Variants in EYS observed in about 807,000 individuals in gnomAD.
EYS encodes the protein EGF-like photoreceptor maintenance factor.
Under a neutral mutation model 282.1 loss-of-function variants are expected in EYS, and 250 were observed. That is an observed-to-expected ratio of 0.89 (90% CI 0.80 to 0.98). The LOEUF (loss-of-function observed/expected upper bound fraction) is 0.98, where lower values mean the gene tolerates loss of function less well. Among genes scored for constraint, EYS ranks in the 50% least tolerant of loss-of-function variants. EYS has a pLI of 0.00. For missense variants in EYS, 4,016 were observed against 3,709.0 expected (o/e 1.08, Z -2.15); for synonymous variants, 1,355 against 1,282.9 (o/e 1.06, Z -1.20).
chr6:64,988,758 G>T (rs984408718), intron 14 of EYS, among the ~76,000 whole-genome samples: 1 of 151,472 alleles, frequency 6.6e-6, no homozygotes, highest in African/African-American at 2.4e-5. Context: ...TTCATAATAG[G>T]TATTTTATTT....
At chr6:63,736,837 C>T (rs1411129283) in intron 41 of EYS, among the ~76,000 whole-genome samples, 2 of 150,752 alleles carry the variant, frequency 1.3e-5, no homozygotes, top group Non-Finnish European at 1.5e-5. Context: ...GTATTTTATT[C>T]TCTTTGAAGC....
intron 29 of EYS, among the ~76,000 whole-genome samples, chr6:64,341,488 G>A (rs1771110442): frequency 6.6e-6 from 1 of 151,652 alleles, no homozygotes; most frequent in African/African-American, 2.4e-5. Context: ...TGGGAGGTAA[G>A]TATTGAGCAA....
intron 22 of EYS, among the ~76,000 whole-genome samples, chr6:64,715,464 C>T (rs966108419): frequency 6.6e-6 from 1 of 152,188 alleles, no homozygotes; most frequent in Non-Finnish European, 1.5e-5. Flanking sequence ...TTGAAGTTGT[C>T]TCAAACATAC....
intron 30 of EYS, among the ~76,000 whole-genome samples, chr6:64,234,026 A>G (rs148981857): frequency 9.8e-5 from 15 of 152,304 alleles, no homozygotes; most frequent in African/African-American, 3.6e-4. Context: ...GCTCACACAG[A>G]TATGTGCCTA....
At chr6:64,618,337 GC>G (rs1357254167) in intron 23 of EYS, among the ~76,000 whole-genome samples, 1 of 152,018 alleles carries the variant, frequency 6.6e-6, no homozygotes, top group Non-Finnish European at 1.5e-5. Context: ...ATCTTAATAT[GC>G]CTAACATGCT....
At chr6:64,215,378 AGC>A (rs1486970677) in intron 31 of EYS, among the ~76,000 whole-genome samples, 1 of 152,064 alleles carries the variant, frequency 6.6e-6, no homozygotes, top group Non-Finnish European at 1.5e-5. Context: ...TTACAAAAGA[AGC>A]GAAGGGTAAA....
At chr6:65,307,211 T>C (rs1582125605) in intron 11 of EYS, among the ~76,000 whole-genome samples, 2 of 148,416 alleles carry the variant, frequency 1.3e-5, no homozygotes, top group Admixed American at 1.4e-4. Context: ...GCTGCCTGTA[T>C]AGATTTCTGG....
At chr6:65,625,477 T>A (rs1582536026) in intron 2 of EYS, among the ~76,000 whole-genome samples, 1 of 152,332 alleles carries the variant, frequency 6.6e-6, no homozygotes, top group Non-Finnish European at 1.5e-5. Flanking sequence ...TACTTTTAAA[T>A]CTTTCCAATA....
intron 11 of EYS, among the ~76,000 whole-genome samples, chr6:65,326,531 T>C (rs898579257): frequency 3.3e-5 from 5 of 151,546 alleles, no homozygotes; most frequent in Non-Finnish European, 7.4e-5. Context: ...ATATCTTTTC[T>C]CATACTCCTA....
chr6:64,450,709 A>G (rs1582769311), intron 26 of EYS, among the ~76,000 whole-genome samples: 1 of 152,356 alleles, frequency 6.6e-6, no homozygotes, highest in African/African-American at 2.4e-5. Flanking sequence ...AAACTCACTC[A>G]AAACCACTCA....
intron 29 of EYS, among the ~76,000 whole-genome samples, chr6:64,383,103 C>T (rs1772801907): frequency 6.6e-6 from 1 of 152,002 alleles, no homozygotes; most frequent in South Asian, 2.1e-4. Context: ...GCCTGGGAAA[C>T]ATAGAGAAAC....
intron 26 of EYS, among the ~76,000 whole-genome samples, chr6:64,527,725 T>C (rs560995158): frequency 7.6e-4 from 116 of 151,822 alleles, no homozygotes; most frequent in Middle Eastern, 3.4e-3. Flanking sequence ...TTATATATGA[T>C]ATTTAATAAG....
chr6:64,831,915 T>C (rs956086013), intron 19 of EYS, among the ~76,000 whole-genome samples: 18 of 151,920 alleles, frequency 1.2e-4, no homozygotes, highest in Non-Finnish European at 4.4e-5. Flanking sequence ...TCAAGAAAGG[T>C]ATGTGAAATG....
intron 29 of EYS, among the ~76,000 whole-genome samples, chr6:64,331,372 C>G (rs112769241): frequency 6.6e-6 from 1 of 151,904 alleles, no homozygotes; most frequent in African/African-American, 2.4e-5. Context: ...GAGGGCGTGA[C>G]GAGGCTAGAG....
chr6:63,977,890 A>T (rs1766916136), intron 35 of EYS, among the ~76,000 whole-genome samples: 1 of 152,086 alleles, frequency 6.6e-6, no homozygotes, highest in African/African-American at 2.4e-5. Context: ...AATGCATTAC[A>T]TTCCTTCCCC....
At chr6:64,199,180 A>G (rs1234266481) in intron 31 of EYS, among the ~76,000 whole-genome samples, 1 of 152,208 alleles carries the variant, frequency 6.6e-6, no homozygotes, top group African/African-American at 2.4e-5. Flanking sequence ...CTGACTTCAA[A>G]CTATACTACA....
chr6:63,876,236 A>T (rs942770037), intron 35 of EYS, among the ~76,000 whole-genome samples: 1 of 152,206 alleles, frequency 6.6e-6, no homozygotes, highest in Non-Finnish European at 1.5e-5. Context: ...TGTACCCAGT[A>T]GTCATTCAGG....
At chr6:64,540,992 G>T (rs897801734) in intron 26 of EYS, among the ~76,000 whole-genome samples, 7 of 152,114 alleles carry the variant, frequency 4.6e-5, no homozygotes, top group Non-Finnish European at 1.0e-4. Context: ...GTTGCTCCAC[G>T]GCGGCTGAGT....
intron 24 of EYS, among the ~76,000 whole-genome samples, chr6:64,610,775 T>C (rs565660207): frequency 9.8e-5 from 15 of 152,328 alleles, no homozygotes; most frequent in Admixed American, 9.2e-4. Flanking sequence ...TTTTAAATAT[T>C]CTACTTCTGA....
Sources: allele counts gnomAD v4.1 joint callset (sites outside exome capture counted in the v4.1 genomes callset), GRCh38; gene constraint gnomAD v4.1.1; transcripts MANE v1.5; gene names NCBI Gene and HGNC (gene_info 2026-07-23, HGNC 2026-07-21).